Variants in NELL1 observed in about 807,000 individuals in gnomAD.
NELL1 encodes neural EGFL like 1, also known as protein kinase C-binding protein NELL1.
NELL1 carries 76 observed loss-of-function variants against 107.4 expected under a neutral mutation model. The observed-to-expected ratio is 0.71, with a 90% confidence interval of 0.59 to 0.86. The LOEUF (loss-of-function observed/expected upper bound fraction) is 0.86, where lower values mean the gene tolerates loss of function less well. NELL1 is among the 40% of genes least tolerant of loss of function. NELL1 has a pLI of 0.00. For missense variants in NELL1, 1,024 were observed against 1,005.5 expected (o/e 1.02, Z -0.25); for synonymous variants, 353 against 341.2 (o/e 1.03, Z -0.38).
chr11:21,558,595 A>G (rs1856776306), intron 16 of NELL1, among the ~76,000 whole-genome samples: 1 of 152,038 alleles, frequency 6.6e-6, no homozygotes, highest in South Asian at 2.1e-4. Context: ...AGAGATAACA[A>G]TTGCAGTATT....
At chr11:21,443,972 A>C (rs571750178) in intron 15 of NELL1, among the ~76,000 whole-genome samples, 1 of 152,298 alleles carries the variant, frequency 6.6e-6, no homozygotes, top group African/African-American at 2.4e-5. Context: ...GGAAAACAAT[A>C]ATCACTTTTT....
At chr11:20,765,523 G>A (rs1405853390) in intron 2 of NELL1, among the ~76,000 whole-genome samples, 1 of 152,156 alleles carries the variant, frequency 6.6e-6, no homozygotes, top group Non-Finnish European at 1.5e-5. Flanking sequence ...TGGGGGCTGG[G>A]GTCTAGGGAA....
intron 16 of NELL1, among the ~76,000 whole-genome samples, chr11:21,542,003 C>T (rs1348687682): frequency 2.0e-5 from 3 of 152,020 alleles, no homozygotes; most frequent in East Asian, 1.9e-4. Flanking sequence ...GTGGAGTAAT[C>T]GTGACAATTA....
chr11:21,364,966 A>G (rs533396919), intron 14 of NELL1, among the ~76,000 whole-genome samples: 1 of 152,286 alleles, frequency 6.6e-6, no homozygotes, highest in South Asian at 2.1e-4. Flanking sequence ...ACCTTTCCTC[A>G]GGACAAAACT....
chr11:20,788,814 C>A (rs1010074063), intron 3 of NELL1, among the ~76,000 whole-genome samples: 1 of 152,012 alleles, frequency 6.6e-6, no homozygotes, highest in South Asian at 2.1e-4. Context: ...TTAGCTCTTA[C>A]ATTTATCTCT....
At chr11:20,840,865 A>T (rs1326405537) in intron 3 of NELL1, among the ~76,000 whole-genome samples, 2 of 152,236 alleles carry the variant, frequency 1.3e-5, no homozygotes, top group Non-Finnish European at 2.9e-5. Context: ...CAGTTTTCCC[A>T]ACAGAATATT....
At chr11:20,761,434 T>C (rs1264426821) in intron 2 of NELL1, among the ~76,000 whole-genome samples, 4 of 152,220 alleles carry the variant, frequency 2.6e-5, no homozygotes, top group Non-Finnish European at 5.9e-5. Context: ...ATCTGCACAG[T>C]AAACTTATGA....
intron 7 of NELL1, among the ~76,000 whole-genome samples, chr11:20,924,875 A>G (rs1485709295): frequency 6.6e-6 from 1 of 152,210 alleles, no homozygotes; most frequent in Non-Finnish European, 1.5e-5. Flanking sequence ...GAGGTTCCAC[A>G]TCTGTGGATT....
chr11:20,741,645 T>C (rs1459967857), intron 2 of NELL1, among the ~76,000 whole-genome samples: 2 of 152,106 alleles, frequency 1.3e-5, no homozygotes, highest in Non-Finnish European at 2.9e-5. Context: ...TAAAGAGGGA[T>C]TGCTAGTGGT....
intron 2 of NELL1, among the ~76,000 whole-genome samples, chr11:20,775,864 G>A (rs1277631717): frequency 1.3e-5 from 2 of 152,170 alleles, no homozygotes; most frequent in African/African-American, 2.4e-5. Flanking sequence ...GATGCCTTAG[G>A]TTTAGTCCCC....
chr11:20,687,934 A>G (rs1854349107), intron 2 of NELL1, among the ~76,000 whole-genome samples: 1 of 152,162 alleles, frequency 6.6e-6, no homozygotes, highest in African/African-American at 2.4e-5. Flanking sequence ...TAAGTTAGAC[A>G]GACTATTTGT....
chr11:20,934,699 C>T (rs1226835847), intron 9 of NELL1, among the ~76,000 whole-genome samples: 3 of 152,236 alleles, frequency 2.0e-5, no homozygotes, highest in Non-Finnish European at 4.4e-5. Context: ...AGAACTGTCA[C>T]TTTGGAACAA....
At chr11:21,141,787 G>A (rs548875037) in intron 13 of NELL1, among the ~76,000 whole-genome samples, 122 of 148,724 alleles carry the variant, frequency 8.2e-4, no homozygotes, top group Non-Finnish European at 1.6e-3. Flanking sequence ...ATTTGAGGTG[G>A]AGTTTTGCTC....
At chr11:21,290,540 C>A (rs1849232361) in intron 14 of NELL1, among the ~76,000 whole-genome samples, 2 of 152,170 alleles carry the variant, frequency 1.3e-5, no homozygotes, top group African/African-American at 2.4e-5. Flanking sequence ...CCCTGTGCCT[C>A]CAGACTGGGA....
intron 16 of NELL1, among the ~76,000 whole-genome samples, chr11:21,550,524 G>A (rs7925865): frequency 1.3e-5 from 2 of 151,850 alleles, no homozygotes; most frequent in African/African-American, 2.4e-5. Flanking sequence ...TGTATAAGGT[G>A]TAAGGAAGGG....
intron 12 of NELL1, among the ~76,000 whole-genome samples, chr11:21,082,289 G>A (rs1196564310): frequency 6.6e-6 from 1 of 151,954 alleles, no homozygotes; most frequent in Non-Finnish European, 1.5e-5. Context: ...ATGCACTACA[G>A]GAAAAAATCA....
Position 20,847,398 on chromosome 11 carries a change from C to T in NELL1, c.336-185C>T, listed in dbSNP as rs7129616. 6.4e-4 allele frequency among the ~76,000 whole-genome samples: 98 copies of T among 152,144 alleles called. 1 individual carries two copies. The highest frequency in any genetic ancestry group is 1.9e-3 in the South Asian group (9 of 4,824). On this transcript the variant is annotated intron_variant, in intron 3 of 19. Transcript: ENST00000357134. ...GTTTCAGAGGCTCAAGATGTTGCCA[C>T]GAGGGTTCTCAGACAATAGATTCAT...
intron 10 of NELL1, among the ~76,000 whole-genome samples, chr11:20,942,673 G>A (rs2134192758): frequency 6.6e-6 from 1 of 152,230 alleles, no homozygotes; most frequent in South Asian, 2.1e-4. Context: ...TTGAATTTAA[G>A]ACAGATACCA....
At chr11:21,230,274 TA>T (rs1377461692) in intron 14 of NELL1, among the ~76,000 whole-genome samples, 1 of 152,206 alleles carries the variant, frequency 6.6e-6, no homozygotes, top group African/African-American at 2.4e-5. Flanking sequence ...CACTAGGATG[TA>T]AGCTCCATGA....
Sources: allele counts gnomAD v4.1 joint callset (sites outside exome capture counted in the v4.1 genomes callset), GRCh38; gene constraint gnomAD v4.1.1; transcripts MANE v1.5; gene names NCBI Gene and HGNC (gene_info 2026-07-23, HGNC 2026-07-21).